The following PRP4K variants were observed in gnomAD, a reference collection of about 807,000 sequenced individuals.
PRP4K encodes the protein serine/threonine-protein kinase PRP4 homolog.
the PRP4K span, chr6:4,032,838 A>G: frequency 1.5e-6 from 2 of 1,341,972 alleles, no homozygotes; most frequent in Non-Finnish European, 1.9e-6. Context: ...ACCATTAAAA[A>G]TGAAGTAGTA....
chr6:4,044,800 A>G, the PRP4K span, among the ~76,000 whole-genome samples: 225 of 151,776 alleles, frequency 1.5e-3, 2 homozygotes, highest in Non-Finnish European at 6.3e-4. Context: ...ACAGTTCCAT[A>G]TAGTGAACTT....
the PRP4K span, chr6:4,064,143 A>C: frequency 1.3e-5 from 2 of 152,474 alleles, no homozygotes; most frequent in African/African-American, 4.8e-5. Flanking sequence ...TGTTTTCTTC[A>C]TTCCCTGATA....
the PRP4K span, among the ~76,000 whole-genome samples, chr6:4,030,394 G>C: frequency 6.6e-6 from 1 of 152,184 alleles, no homozygotes; most frequent in Non-Finnish European, 1.5e-5. Flanking sequence ...ATGAAGACCT[G>C]ACAAAATAAT....
chr6:4,021,308 G>T, the PRP4K span: 1 of 1,387,986 alleles, frequency 7.2e-7, no homozygotes, highest in Non-Finnish European at 9.9e-7. Context: ...TCAGAACCCA[G>T]CTCTTCCCTA....
the PRP4K span, chr6:4,056,886 A>C: frequency 9.3e-7 from 1 of 1,077,964 alleles, no homozygotes; most frequent in Non-Finnish European, 1.3e-6. Flanking sequence ...AATTAGTGGG[A>C]AAGAACACAA....
the PRP4K span, among the ~76,000 whole-genome samples, chr6:4,038,155 A>C: frequency 6.6e-6 from 1 of 152,184 alleles, no homozygotes; most frequent in Non-Finnish European, 1.5e-5. Flanking sequence ...TGAAGTAATA[A>C]ATGAATATAA....
chr6:4,053,476 A>G, the PRP4K span, among the ~76,000 whole-genome samples: 4 of 152,114 alleles, frequency 2.6e-5, no homozygotes, highest in Admixed American at 1.3e-4. Flanking sequence ...GACGGACCCC[A>G]GTGTGTATTG....
At chr6:4,027,613 T>TG in the PRP4K span, among the ~76,000 whole-genome samples, 83 of 38,534 alleles carry the variant, frequency 2.2e-3, no homozygotes, top group Non-Finnish European at 2.8e-3. Flanking sequence ...GGGGGTGGGG[T>TG]GGGGGTTGGT....
the PRP4K span, among the ~76,000 whole-genome samples, chr6:4,021,864 G>A: frequency 5.3e-5 from 8 of 152,230 alleles, no homozygotes; most frequent in African/African-American, 1.9e-4. Context: ...GTGGCAGCAG[G>A]CGGGCCAAGC....
the PRP4K span, chr6:4,061,552 A>C: frequency 6.6e-6 from 1 of 152,610 alleles, no homozygotes; most frequent in Non-Finnish European, 1.5e-5. Context: ...TGAAATTTTT[A>C]ACTATTTGTA....
At chr6:4,022,826 G>C in the PRP4K span, among the ~76,000 whole-genome samples, 19 of 152,316 alleles carry the variant, frequency 1.2e-4, no homozygotes, top group East Asian at 3.1e-3. Flanking sequence ...GTACCGTGCA[G>C]ATCTCATGCT....
the PRP4K span, chr6:4,042,625 A>AAG: frequency 2.9e-6 from 4 of 1,371,952 alleles, no homozygotes; most frequent in South Asian, 5.0e-5. Context: ...TTTTGCTTTA[A>AAG]CAAAAATGTA....
At chr6:4,038,112 G>T in the PRP4K span, among the ~76,000 whole-genome samples, 9 of 151,804 alleles carry the variant, frequency 5.9e-5, no homozygotes, top group African/African-American at 2.2e-4. Flanking sequence ...ACATAAATGG[G>T]TATTTGTTTG....
the PRP4K span, among the ~76,000 whole-genome samples, chr6:4,034,184 A>C: frequency 6.6e-6 from 1 of 151,856 alleles, no homozygotes; most frequent in South Asian, 2.1e-4. Flanking sequence ...AACTGGAGTC[A>C]TATTATTCAT....
the PRP4K span, chr6:4,056,401 T>C: frequency 6.2e-7 from 1 of 1,614,090 alleles, no homozygotes. Flanking sequence ...TAACACCTTA[T>C]CTTGTCAGTA....
At chr6:4,032,337 A>G in the PRP4K span, 2 of 1,614,012 alleles carry the variant, frequency 1.2e-6, no homozygotes, top group East Asian at 2.2e-5. Flanking sequence ...ATCAAAAGAT[A>G]GGAAAAAATC....
chr6:4,029,519 ATTT>A, the PRP4K span, among the ~76,000 whole-genome samples: 6 of 150,804 alleles, frequency 4.0e-5, 1 homozygote, highest in East Asian at 5.9e-4. Context: ...CACCTAGCTA[ATTT>A]TTTTATTTTT....
At chr6:4,057,751 C>CT in the PRP4K span, among the ~76,000 whole-genome samples, 375 of 81,072 alleles carry the variant, frequency 4.6e-3, 12 homozygotes, top group East Asian at 0.061. Context: ...CATAACTTAG[C>CT]TTTTTTTTTT....
At chr6:4,023,218 C>T in the PRP4K span, among the ~76,000 whole-genome samples, 1 of 152,174 alleles carries the variant, frequency 6.6e-6, no homozygotes, top group African/African-American at 2.4e-5. Flanking sequence ...CTTTAGAGAA[C>T]ACTGAGTAGT....
Sources: gnomAD v4.1 joint callset for allele counts (sites outside exome capture counted in the v4.1 genomes callset) on GRCh38, gnomAD v4.1.1 for gene constraint, MANE v1.5 for transcripts, NCBI Gene and HGNC (gene_info 2026-07-23, HGNC 2026-07-21) for gene names.